CLOCK: variants seen among roughly 807,000 people sequenced by gnomAD.
The protein encoded by CLOCK is circadian locomoter output cycles protein kaput.
Under a neutral mutation model 118.4 loss-of-function variants are expected in CLOCK, and 43 were observed. The ratio of observed to expected loss-of-function variants is 0.36; its 90% CI spans 0.28 to 0.47. The LOEUF (loss-of-function observed/expected upper bound fraction) is 0.47, where lower values mean the gene tolerates loss of function less well. Among genes scored for constraint, CLOCK ranks in the 20% least tolerant of loss-of-function variants. The pLI is 1.00. For synonymous variants in CLOCK, 326 were observed against 339.2 expected, an observed-to-expected ratio of 0.96 and a Z score of 0.43; for missense variants, 846 against 999.9, an observed-to-expected ratio of 0.85 and a Z score of 2.08.
At chr4:55,539,572 CAAAAAAAAA>C (rs57022769) in intron 1 of CLOCK, among the ~76,000 whole-genome samples, 2 of 52,064 alleles carry the variant, frequency 3.8e-5, no homozygotes, top group Non-Finnish European at 6.4e-5. Context: ...GACCTTGTCT[CAAAAAAAAA>C]AAAAAAAAAA....
At position 55,444,653 on chromosome 4, in the gene CLOCK, C is replaced by T; in HGVS notation, c.1672G>A (p.Val558Ile). The T allele has an allele frequency of 1.9e-6, 3 of 1,614,054 alleles. No homozygotes were observed. Among genetic ancestry groups the T allele is most frequent in the Non-Finnish European group, 2.5e-6 (3 of 1,179,994 alleles). Residue 558 changes from valine to isoleucine, a missense_variant, in exon 19 of 23, where the codon GTC (valine) becomes ATC (isoleucine). Transcript: ENST00000513440. ...ATTACCTGCAGCCCCTGACCATGGA[C>T]CATCTGAAGTTGTTCTTGAATTTTT... ...LRKIQEQLQM[V>I]HGQGLQMFLQ...
chr4:55,546,631 A>AC (rs1333988289), intron 1 of CLOCK, 151 bp downstream of exon 1: 6 of 34,550 alleles, frequency 1.7e-4, no homozygotes, highest in African/African-American at 3.4e-4. Context: ...CCCCCCACCC[A>AC]CCCCCCCAAA....
chr4:55,484,875 T>C (rs1233853012), intron 3 of CLOCK, among the ~76,000 whole-genome samples: 1 of 152,204 alleles, frequency 6.6e-6, no homozygotes, highest in Non-Finnish European at 1.5e-5. Context: ...TGCAGGCTGA[T>C]GCTTTATTAG....
chr4:55,464,517 C>T (rs374604432), intron 8 of CLOCK, among the ~76,000 whole-genome samples: 38 of 152,262 alleles, frequency 2.5e-4, no homozygotes, highest in Admixed American at 5.9e-4. Context: ...CGCATTCTAC[C>T]TGGTTTCCTG....
intron 1 of CLOCK, among the ~76,000 whole-genome samples, chr4:55,525,671 T>C (rs1730133614): frequency 6.6e-6 from 1 of 151,792 alleles, no homozygotes; most frequent in Non-Finnish European, 1.5e-5. Flanking sequence ...GGTTTCACCA[T>C]GTTGGCCAGG....
chr4:55,461,087 A>G (rs1407268944), intron 9 of CLOCK, among the ~76,000 whole-genome samples: 2 of 151,928 alleles, frequency 1.3e-5, no homozygotes, highest in Non-Finnish European at 2.9e-5. Context: ...CACCCCAGCC[A>G]ACTTTTCTAT....
At chr4:55,536,246 A>C (rs1454067844) in intron 1 of CLOCK, among the ~76,000 whole-genome samples, 2 of 152,192 alleles carry the variant, frequency 1.3e-5, no homozygotes, top group Non-Finnish European at 2.9e-5. Flanking sequence ...CATCTGAAAA[A>C]ACAAGGAAAA....
At chr4:55,469,932 G>A (rs947287522) in intron 8 of CLOCK, among the ~76,000 whole-genome samples, 2 of 152,080 alleles carry the variant, frequency 1.3e-5, no homozygotes, top group African/African-American at 4.8e-5. Flanking sequence ...GGTCTCAAAT[G>A]CCTGAGCTCA....
intron 4 of CLOCK, among the ~76,000 whole-genome samples, chr4:55,482,344 T>A (rs975461971): frequency 6.6e-6 from 1 of 152,232 alleles, no homozygotes; most frequent in African/African-American, 2.4e-5. Flanking sequence ...TTTTAACTAA[T>A]GAAATCCTAA....
chr4:55,444,528 T>TA (rs1347108286), intron 19 of CLOCK, 105 bp downstream of exon 19: 2 of 1,344,072 alleles, frequency 1.5e-6, no homozygotes, highest in Non-Finnish European at 1.1e-6. Context: ...ACTGAATTGA[T>TA]AAAACGTATC....
At chr4:55,464,162 C>A (rs1176525127) in intron 8 of CLOCK, among the ~76,000 whole-genome samples, 2 of 152,108 alleles carry the variant, frequency 1.3e-5, no homozygotes, top group East Asian at 3.8e-4. Context: ...GGTGGTATAT[C>A]CTACTATAAA....
intron 1 of CLOCK, among the ~76,000 whole-genome samples, chr4:55,528,847 G>GT (rs1382306547): frequency 6.6e-6 from 1 of 152,168 alleles, no homozygotes; most frequent in Admixed American, 6.5e-5. Flanking sequence ...GTCAATGTCA[G>GT]TATCTGTAGA....
At chr4:55,522,825 C>A (rs1217696673) in intron 1 of CLOCK, among the ~76,000 whole-genome samples, 1 of 152,058 alleles carries the variant, frequency 6.6e-6, no homozygotes, top group Non-Finnish European at 1.5e-5. Context: ...ACTTCTGAAC[C>A]ATATAAAATG....
chr4:55,542,874 A>T (rs1432236799), intron 1 of CLOCK, among the ~76,000 whole-genome samples: 1 of 152,132 alleles, frequency 6.6e-6, no homozygotes, highest in Non-Finnish European at 1.5e-5. Flanking sequence ...TACACTATCG[A>T]TCAAGTCAAA....
intron 1 of CLOCK, among the ~76,000 whole-genome samples, chr4:55,535,004 C>G (rs1730794704): frequency 6.7e-6 from 1 of 150,186 alleles, no homozygotes. Flanking sequence ...CAATGGCTCA[C>G]TGCAACCTCA....
At chr4:55,465,605 T>TAAAGGATTTTCTGA (rs769671334) in intron 8 of CLOCK, among the ~76,000 whole-genome samples, 6 of 152,162 alleles carry the variant, frequency 3.9e-5, no homozygotes, top group Non-Finnish European at 7.3e-5. Context: ...TGTATTTCAG[T>TAAAGGATTTTCTGA]AAAGGATTTT....
chr4:55,540,581 A>G (rs1408084135), intron 1 of CLOCK: 6 of 151,986 alleles, frequency 3.9e-5, no homozygotes, highest in East Asian at 3.9e-4. Context: ...TTCATTTTCC[A>G]CTATTTGGAC....
At chr4:55,447,079 A>C (rs1441009864) in intron 18 of CLOCK, among the ~76,000 whole-genome samples, 1 of 151,680 alleles carries the variant, frequency 6.6e-6, no homozygotes, top group Non-Finnish European at 1.5e-5. Flanking sequence ...AAAATGTTAT[A>C]ATTATGGCCG....
intron 7 of CLOCK, among the ~76,000 whole-genome samples, chr4:55,471,881 T>A (rs1726162255): frequency 6.6e-6 from 1 of 152,122 alleles, no homozygotes; most frequent in African/African-American, 2.4e-5. Context: ...GAGACCAGCC[T>A]GAGCAACATG....
Sources: gnomAD v4.1 joint callset for allele counts (sites outside exome capture counted in the v4.1 genomes callset) on GRCh38, gnomAD v4.1.1 for gene constraint, MANE v1.5 for transcripts, NCBI Gene and HGNC (gene_info 2026-07-23, HGNC 2026-07-21) for gene names.